The following CLN6 variants were observed in gnomAD, a reference collection of about 807,000 sequenced individuals.
CLN6 encodes the protein CLN6 transmembrane ER protein.
Under a neutral mutation model 33.3 loss-of-function variants are expected in CLN6, and 22 were observed. The ratio of observed to expected loss-of-function variants is 0.66; its 90% CI spans 0.47 to 0.94. The LOEUF (loss-of-function observed/expected upper bound fraction) is 0.94. Among genes scored for constraint, CLN6 ranks in the 40% least tolerant of loss-of-function variants. The pLI, the probability that CLN6 is intolerant of heterozygous loss-of-function variation, is 0.00. For missense variants in CLN6, 387 were observed against 417.1 expected, an observed-to-expected ratio of 0.93 and a Z score of 0.63; for synonymous variants, 201 against 174.6, an observed-to-expected ratio of 1.15 and a Z score of -1.19.
At chr15:68,255,679 G>T (rs1595833400) in intron 1 of CLN6, among the ~76,000 whole-genome samples, 1 of 152,344 alleles carries the variant, frequency 6.6e-6, no homozygotes, top group African/African-American at 2.4e-5. Flanking sequence ...ATTGTTTATG[G>T]AGAGTATCTT....
rs1159088502 is a variant in CLN6, at chr15:68,219,934, C to CTA, written c.84-1286_84-1285dup. ...TCAGGCCCTGGTCCATGCTCAGCAA[C>CTA]TACTGGCTGATTAAAACAGTCACAA... On this transcript the variant is annotated intron_variant, in intron 1 of 6. Transcript: ENST00000249806. This position sits in a 1 kb window ranked among gnomAD's most constrained non-coding sequence, Gnocchi z 4.2. Among the ~76,000 whole-genome samples the CTA allele has an allele frequency of 6.6e-6, 1 of 152,216 alleles. No homozygotes were observed. The highest frequency in any genetic ancestry group is 1.5e-5 in the Non-Finnish European group (1 of 68,040).
Position 68,234,736 on chromosome 15 carries a change from G to A in CLN6, c.180-16086C>T, listed in dbSNP as rs927516625. ...CTTTCACTCTTAACAGTTGACAAAG[G>A]CCGGGCGCGGTGGCTCACGCATGTA... On this transcript the variant is annotated intron_variant, in intron 1 of 6. Coordinates refer to the CLN6 transcript ENST00000538696. The surrounding 1 kb of genome is among the most constrained non-coding windows in gnomAD (Gnocchi z 4.1). Among the ~76,000 whole-genome samples the A allele has an allele frequency of 3.9e-5, 6 of 152,136 alleles. No homozygotes were observed. Among genetic ancestry groups the A allele is most frequent in the Non-Finnish European group, 8.8e-5 (6 of 68,016 alleles).
chr15:68,229,594 G>A lies in CLN6; in HGVS notation c.-10C>T. On this transcript the variant is annotated 5_prime_UTR_variant, in exon 1 of 7. Transcript: ENST00000249806. Reference sequence around the variant, plus strand: ...TCCGCGTCGCCTCCATGGCTGCCCCGCAGGCCCCTCGGCCCTGCCTTTCCG... The same window carrying A: ...TCCGCGTCGCCTCCATGGCTGCCCCACAGGCCCCTCGGCCCTGCCTTTCCG... 2.7e-6 allele frequency: 4 copies of A among 1,460,068 alleles called. No individual in the cohort carries two copies. The highest frequency in any genetic ancestry group is 2.4e-5 in the Admixed American group (1 of 41,662). The allele number at this position is 1,460,068 out of a possible 1,614,324, so 90.4% of individuals were successfully genotyped here.
At position 68,246,433 on chromosome 15, in the gene CLN6, A is replaced by C. The variant is rs1397311121; in HGVS notation, c.179+10257T>G. ...AACAGGGATCTCAGAAACTACATAA[A>C]CACATAGAAATTAAACAACTTACTC... On this transcript the variant is annotated intron_variant, in intron 1 of 6. Transcript: ENST00000538696. The surrounding 1 kb of genome is among the most constrained non-coding windows in gnomAD (Gnocchi z 4.5). Among the ~76,000 whole-genome samples, 1 of 152,184 alleles carries C rather than the reference A, an allele frequency of 6.6e-6. No individual in the cohort carries two copies. The highest frequency in any genetic ancestry group is 1.5e-5 in the Non-Finnish European group (1 of 68,046).
intron 1 of CLN6, among the ~76,000 whole-genome samples, chr15:68,248,897 C>T (rs747183309): frequency 1.3e-5 from 2 of 152,028 alleles, no homozygotes; most frequent in Admixed American, 6.6e-5. Flanking sequence ...TGCAAACTAT[C>T]CATATGACAA....
intron 1 of CLN6, among the ~76,000 whole-genome samples, chr15:68,225,469 G>A (rs1462358295): frequency 1.3e-5 from 2 of 152,084 alleles, no homozygotes; most frequent in African/African-American, 4.8e-5. Context: ...TTTAGGGTAG[G>A]GGACTAATAT....
intron 2 of CLN6, among the ~76,000 whole-genome samples, chr15:68,216,328 G>C (rs1431798514): frequency 6.6e-6 from 1 of 152,172 alleles, no homozygotes; most frequent in African/African-American, 2.4e-5. Flanking sequence ...CTTGGAGAGA[G>C]AAATGAAGCC....
Position 68,208,471 on chromosome 15 carries a change from C to G in CLN6, c.666-61G>C. The stretch of plus-strand genomic sequence containing the variant: ...GGCAACCCCGTCCTGCCTGGCATCC[C>G]TTCCTGTGTGCGAGAGCCAGGCTGC... On this transcript the variant is annotated intron_variant, in intron 6 of 6. Transcript: ENST00000249806. The surrounding 1 kb of genome is among the most constrained non-coding windows in gnomAD (Gnocchi z 5.8). 6.3e-7 allele frequency: 1 copy of G among 1,596,972 alleles called. No homozygotes were observed. Among genetic ancestry groups the G allele is most frequent in the Non-Finnish European group, 8.5e-7 (1 of 1,170,494 alleles).
rs1169918328 is a variant in CLN6 at position 68,247,665 on chromosome 15, G to GA, written c.179+9024dup. ...ACCAATGATGTTCTCAACAGAAATA[G>GA]AAAAAACAATCCTAAAATTCATATG... is the stretch of plus-strand genomic sequence containing the variant. On this transcript the variant is annotated intron_variant, in intron 1 of 6. Transcript: ENST00000538696. This position sits in a 1 kb window ranked among gnomAD's most constrained non-coding sequence, Gnocchi z 4.2. 2.0e-5 allele frequency among the ~76,000 whole-genome samples: 3 copies of GA among 152,088 alleles called. No homozygotes were observed. The highest frequency in any genetic ancestry group is 2.4e-5 in the African/African-American group (1 of 41,396).
intron 1 of CLN6, among the ~76,000 whole-genome samples, chr15:68,225,359 G>A (rs1367032076): frequency 1.3e-5 from 2 of 152,174 alleles, no homozygotes; most frequent in African/African-American, 4.8e-5. Context: ...ATAAAACATG[G>A]AAGATAATTA....
chr15:68,227,701 C>T lies in CLN6; in HGVS notation c.83+1801G>A, dbSNP rs1229960361. Among the ~76,000 whole-genome samples, 1 of 152,198 alleles carries T rather than the reference C, an allele frequency of 6.6e-6. No individual in the cohort carries two copies. Among genetic ancestry groups the T allele is most frequent in the Non-Finnish European group, 1.5e-5 (1 of 68,040 alleles). ...GTAAGTCAGAAACCCTGGGTTTAGG[C>T]CCTGGTTCTTGCCAGCAAATGATGT... On this transcript the variant is annotated intron_variant, in intron 1 of 6. Transcript: ENST00000249806. This position sits in a 1 kb window ranked among gnomAD's most constrained non-coding sequence, Gnocchi z 4.1.
intron 1 of CLN6, chr15:68,254,473 G>A (rs986647722): frequency 6.3e-6 from 2 of 317,228 alleles, no homozygotes; most frequent in African/African-American, 4.3e-5. Flanking sequence ...TGAAGACTTA[G>A]TATGAAAAAA....
intron 1 of CLN6, among the ~76,000 whole-genome samples, chr15:68,243,417 T>C (rs138292598): frequency 0.011 from 1,658 of 152,330 alleles, 31 homozygotes; most frequent in African/African-American, 0.036. Context: ...TCTTACCTTA[T>C]GGTCAAACTA....
rs1324351964 is a variant in CLN6, at chr15:68,220,923, T to C, written c.84-2273A>G. ...TCACTGCAGCCTTGGCCTCCCAGGC[T>C]CAAGCATTCCTTCCACCTCAGTCTC... On this transcript the variant is annotated intron_variant, in intron 1 of 6. Coordinates refer to ENST00000249806, the MANE Select transcript of CLN6 (RefSeq NM_017882.3). This position sits in a 1 kb window ranked among gnomAD's most constrained non-coding sequence, Gnocchi z 4.2. Among the ~76,000 whole-genome samples, 5 of 152,156 alleles carry C rather than the reference T, an allele frequency of 3.3e-5. No individual in the cohort carries two copies. The highest frequency in any genetic ancestry group is 7.3e-5 in the Non-Finnish European group (5 of 68,036).
At position 68,211,705 on chromosome 15, in the gene CLN6, G is replaced by T. The variant is rs2141139176; in HGVS notation, c.456C>A (p.Pro152=). 1.2e-6 allele frequency: 2 copies of T among 1,613,852 alleles called. No homozygotes were observed. Among genetic ancestry groups the T allele is most frequent in the Non-Finnish European group, 1.7e-6 (2 of 1,179,986 alleles). The change falls in exon 4 of 7, where the codon CCC becomes CCA. Residue 152 remains proline, a synonymous_variant. Coordinates refer to ENST00000249806, the MANE Select transcript of CLN6 (RefSeq NM_017882.3). This position sits in a 1 kb window ranked among gnomAD's most constrained non-coding sequence, Gnocchi z 5.9. Reference sequence around the variant, plus strand: ...TCTCCGGCTTGAGATTCTTGATGATGGGGTTCTCACGGACAGACAGGTGGT... The same window carrying T: ...TCTCCGGCTTGAGATTCTTGATGATTGGGTTCTCACGGACAGACAGGTGGT... ...YQHHLSVREN[P]IIKNLKPETL...
rs1421852858 is a variant in CLN6 at position 68,228,240 on chromosome 15, T to A, written c.83+1262A>T. Among the ~76,000 whole-genome samples the A allele has an allele frequency of 6.6e-6, 1 of 152,122 alleles. No individual in the cohort carries two copies. Among genetic ancestry groups the A allele is most frequent in the Non-Finnish European group, 1.5e-5 (1 of 68,018 alleles). On this transcript the variant is annotated intron_variant, in intron 1 of 6. Transcript: ENST00000249806. This position sits in a 1 kb window ranked among gnomAD's most constrained non-coding sequence, Gnocchi z 4.4. ...CAGCAGAAACGAGCCATCCCTCACC[T>A]CAGCCCAAGCGCTCAGACTTCTCCC...
In CLN6 at chr15:68,256,739, G is replaced by C; in HGVS notation, c.130C>G (p.Pro44Ala). Residue 44 changes from proline to alanine, a missense_variant, in exon 1 of 7, where the codon CCA (proline) becomes GCA (alanine). Pro to Ala is a conservative substitution (Grantham distance 27). Transcript: ENST00000538696. The surrounding 1 kb of genome is among the most constrained non-coding windows in gnomAD (Gnocchi z 4.1). Reference sequence around the variant, plus strand: ...CTCAGCGAAGTCTCACAGGACAATGGCGCCTGCGCCAGTGGCTTGAAGGCT... The same window carrying C: ...CTCAGCGAAGTCTCACAGGACAATGCCGCCTGCGCCAGTGGCTTGAAGGCT... The C allele has an allele frequency of 1.4e-6, 1 of 700,018 alleles. No individual in the cohort carries two copies. The highest frequency in any genetic ancestry group is 2.7e-5 in the East Asian group (1 of 37,222). 43.4% of individuals were successfully genotyped at this position (700,018 alleles called of 1,614,324 possible). A position where few individuals can be genotyped will look rare whatever the true frequency, so the allele number is the denominator to read the frequency against.
chr15:68,232,564 G>A (rs2093269912), upstream of CLN6, among the ~76,000 whole-genome samples: 1 of 152,162 alleles, frequency 6.6e-6, no homozygotes, highest in Non-Finnish European at 1.5e-5. The surrounding 1 kb of genome is among the most constrained non-coding windows in gnomAD (Gnocchi z 4.7). Flanking sequence ...ACTTCACCCA[G>A]GCAGAAGTCA....
At chr15:68,224,618 CAAAAAA>C (rs57397347) in intron 1 of CLN6, among the ~76,000 whole-genome samples, 2 of 104,308 alleles carry the variant, frequency 1.9e-5, no homozygotes, top group African/African-American at 4.2e-5. Flanking sequence ...GACTCTGTCT[CAAAAAA>C]AAAAAAAAAA....
Sources: allele counts gnomAD v4.1 joint callset (sites outside exome capture counted in the v4.1 genomes callset), GRCh38; gene constraint gnomAD v4.1.1; non-coding constraint Gnocchi (gnomAD v3.1); transcripts MANE v1.5; gene names NCBI Gene and HGNC (gene_info 2026-07-23, HGNC 2026-07-21).